NEK7: variants seen among roughly 807,000 people sequenced by gnomAD.
NEK7 encodes serine/threonine-protein kinase Nek7.
A neutral mutation model predicts 44.6 loss-of-function variants in NEK7; 18 were observed. The ratio of observed to expected loss-of-function variants is 0.40; its 90% CI spans 0.28 to 0.60. The LOEUF (loss-of-function observed/expected upper bound fraction) is 0.60, where lower values mean the gene tolerates loss of function less well. NEK7 is among the 20% of genes least tolerant of loss of function. NEK7 has a pLI of 0.38. For synonymous variants in NEK7, 130 were observed against 121.1 expected, an observed-to-expected ratio of 1.07 and a Z score of -0.48; for missense variants, 256 against 366.5, an observed-to-expected ratio of 0.70 and a Z score of 2.46.
At chr1:198,312,662 G>A (rs1655226216) in intron 9 of NEK7, among the ~76,000 whole-genome samples, 1 of 151,726 alleles carries the variant, frequency 6.6e-6, no homozygotes, top group African/African-American at 2.4e-5. Context: ...TGGTTTCAAA[G>A]AACATCTTTA....
chr1:198,217,823 C>T (rs539352970), intron 1 of NEK7, among the ~76,000 whole-genome samples: 128 of 145,416 alleles, frequency 8.8e-4, no homozygotes, highest in African/African-American at 3.1e-3. Flanking sequence ...GAACACAATC[C>T]GTTTTTACAA....
chr1:198,242,821 G>T (rs1357091827), intron 2 of NEK7, among the ~76,000 whole-genome samples: 14 of 145,286 alleles, frequency 9.6e-5, no homozygotes, highest in South Asian at 6.6e-4. Flanking sequence ...TTTTTTTTTT[G>T]TATTTAATTT....
intron 2 of NEK7, among the ~76,000 whole-genome samples, chr1:198,249,405 C>A (rs1358152449): frequency 6.6e-6 from 1 of 151,940 alleles, no homozygotes; most frequent in East Asian, 2.0e-4. Flanking sequence ...GGTATATACC[C>A]AGTAATGGGA....
rs559411724 is a variant in NEK7, at chr1:198,295,320, G to A, written c.685-1807G>A. On this transcript the variant is annotated intron_variant, in intron 8 of 9. Coordinates refer to ENST00000367385, the MANE Select transcript of NEK7 (RefSeq NM_133494.3). ...CCACCAGCCCCGAAGACAGACAGTG[G>A]GCTTTCGTCCCTCCGACACCCCCAG... Among the ~76,000 whole-genome samples, 3 of 152,168 alleles carry A rather than the reference G, an allele frequency of 2.0e-5. No individual in the cohort carries two copies. The East Asian group carries it at 5.8e-4, about 29-fold the overall frequency.
At chr1:198,268,309 A>G (rs1653720138) in intron 5 of NEK7, among the ~76,000 whole-genome samples, 1 of 151,892 alleles carries the variant, frequency 6.6e-6, no homozygotes. Flanking sequence ...AATTCCTTAC[A>G]GACTACCCAT....
chr1:198,174,740 T>G (rs1473327986), intron 1 of NEK7, among the ~76,000 whole-genome samples: 4 of 151,964 alleles, frequency 2.6e-5, no homozygotes, highest in Admixed American at 1.3e-4. Flanking sequence ...CATTGTGTTT[T>G]TTTTTGTTTT....
intron 1 of NEK7, among the ~76,000 whole-genome samples, chr1:198,181,988 A>G (rs1384172020): frequency 6.6e-6 from 1 of 152,020 alleles, no homozygotes; most frequent in Non-Finnish European, 1.5e-5. Flanking sequence ...AGTGATATAT[A>G]TATATAATTT....
chr1:198,165,572 A>G (rs1330759108), intron 1 of NEK7, among the ~76,000 whole-genome samples: 5 of 152,220 alleles, frequency 3.3e-5, no homozygotes, highest in Non-Finnish European at 5.9e-5. Flanking sequence ...CGGTCTCAAC[A>G]GTGGGCTTAA....
intron 1 of NEK7, among the ~76,000 whole-genome samples, chr1:198,169,955 A>C (rs1664386785): frequency 6.6e-6 from 1 of 151,638 alleles, no homozygotes; most frequent in Non-Finnish European, 1.5e-5. Flanking sequence ...CTTCCCAGAG[A>C]CTACACTTGA....
In NEK7 at chr1:198,242,334, A is replaced by G. The variant is rs567367054; in HGVS notation, c.57+9697A>G. ...CCTTGCTGAAAACCCAGACCCCCTTACTCCTTACTCTTGCTGTCAAAGTGT... is the reference window on the plus strand; with the variant it reads ...CCTTGCTGAAAACCCAGACCCCCTTGCTCCTTACTCTTGCTGTCAAAGTGT... On this transcript the variant is annotated intron_variant, in intron 2 of 9. Coordinates refer to ENST00000367385, the MANE Select transcript of NEK7 (RefSeq NM_133494.3). 1.8e-4 allele frequency among the ~76,000 whole-genome samples: 26 copies of G among 141,600 alleles called. No homozygotes were observed. In the South Asian group the frequency reaches 5.5e-3, roughly 30 times the overall value. 92.9% of individuals were successfully genotyped at this position (141,600 alleles called of 152,430 possible). A position where few individuals can be genotyped will look rare whatever the true frequency, so the allele number is the denominator to read the frequency against.
At chr1:198,224,955 C>A (rs1296425888) in intron 1 of NEK7, among the ~76,000 whole-genome samples, 1 of 152,064 alleles carries the variant, frequency 6.6e-6, no homozygotes, top group Non-Finnish European at 1.5e-5. Flanking sequence ...ACCAAGTGGA[C>A]AGTTGGATGT....
rs1655530121 is a variant in NEK7 at position 198,321,371 on chromosome 1, T to C, written c.*1849T>C. 6.6e-6 allele frequency: 1 copy of C among 152,190 alleles called. No individual in the cohort carries two copies. Among genetic ancestry groups the C allele is most frequent in the African/African-American group, 2.4e-5 (1 of 41,444 alleles). The allele number at this position is 152,190 out of a possible 1,614,324, so 9.4% of individuals were successfully genotyped here. On this transcript the variant is annotated 3_prime_UTR_variant, in exon 10 of 10. Transcript: ENST00000367385. ...AACATTTATACTGAGCATCCATAGATATATTCCTAGAAGTATGAGAAGAAT... is the reference window on the plus strand; with the variant it reads ...AACATTTATACTGAGCATCCATAGACATATTCCTAGAAGTATGAGAAGAAT...
At chr1:198,170,517 C>T (rs1202821435) in intron 1 of NEK7, among the ~76,000 whole-genome samples, 1 of 152,190 alleles carries the variant, frequency 6.6e-6, no homozygotes, top group Non-Finnish European at 1.5e-5. Context: ...CTAGGTAAGT[C>T]GTTTGGCTTT....
chr1:198,209,039 A>G (rs763345206), intron 1 of NEK7, among the ~76,000 whole-genome samples: 1,392 of 40,682 alleles, frequency 0.034, 12 homozygotes, highest in Admixed American at 0.047. Context: ...GTGTGTGTGT[A>G]TATATATATA....
At chr1:198,214,679 A>G (rs1665865197) in intron 1 of NEK7, among the ~76,000 whole-genome samples, 1 of 152,206 alleles carries the variant, frequency 6.6e-6, no homozygotes, top group Non-Finnish European at 1.5e-5. Flanking sequence ...GAAGTATGGG[A>G]TTATATAAAT....
intron 9 of NEK7, among the ~76,000 whole-genome samples, chr1:198,315,214 AC>A (rs1433365510): frequency 6.6e-6 from 1 of 151,876 alleles, no homozygotes; most frequent in African/African-American, 2.4e-5. Flanking sequence ...GCCGTCTGTC[AC>A]CCCTTTCTTT....
intron 1 of NEK7, among the ~76,000 whole-genome samples, chr1:198,165,333 A>G (rs1664233367): frequency 6.6e-6 from 1 of 152,196 alleles, no homozygotes; most frequent in African/African-American, 2.4e-5. Context: ...GATCTATCAG[A>G]GTGATCACTG....
intron 2 of NEK7, among the ~76,000 whole-genome samples, chr1:198,252,126 T>C (rs1419047032): frequency 3.3e-5 from 5 of 152,154 alleles, no homozygotes; most frequent in Admixed American, 3.3e-4. Context: ...CTTCATTTCG[T>C]TATGTACCCA....
At chr1:198,289,610 G>A (rs1654483315) in intron 7 of NEK7, among the ~76,000 whole-genome samples, 2 of 152,172 alleles carry the variant, frequency 1.3e-5, no homozygotes, top group South Asian at 4.1e-4. Context: ...ACACAAAAAA[G>A]CAATCCAAAG....
Sources: gnomAD v4.1 joint callset for allele counts (sites outside exome capture counted in the v4.1 genomes callset) on GRCh38, gnomAD v4.1.1 for gene constraint, MANE v1.5 for transcripts, NCBI Gene and HGNC (gene_info 2026-07-23, HGNC 2026-07-21) for gene names.